ZBTB37: variants seen among roughly 807,000 people sequenced by gnomAD.
ZBTB37 encodes the protein zinc finger and BTB domain-containing protein 37.
In ZBTB37, 15 loss-of-function variants were observed where a neutral mutation model predicts 37.7. The ratio of observed to expected loss-of-function variants is 0.40; its 90% CI spans 0.27 to 0.61. The LOEUF (loss-of-function observed/expected upper bound fraction) is 0.61, where lower values mean the gene tolerates loss of function less well. ZBTB37 is among the 20% of genes least tolerant of loss of function. The pLI is 0.44. For synonymous variants in ZBTB37, 231 were observed against 220.6 expected (o/e 1.05, Z -0.42); for missense variants, 514 against 641.9 (o/e 0.80, Z 2.15).
downstream of ZBTB37, chr1:173,887,147 T>G (rs569939589): frequency 6.6e-6 from 1 of 152,356 alleles, no homozygotes; most frequent in African/African-American, 2.4e-5. Flanking sequence ...TTTGATAACT[T>G]TTATATGAAG....
chr1:173,872,006 C>G (rs1655597171), intron 3 of ZBTB37, among the ~76,000 whole-genome samples: 1 of 152,192 alleles, frequency 6.6e-6, no homozygotes, highest in Non-Finnish European at 1.5e-5. Context: ...TCTTGAGAAA[C>G]AAATGTATCA....
exon 4 of ZBTB37, chr1:173,891,964 C>A (rs1656861318): frequency 6.6e-6 from 1 of 152,120 alleles, no homozygotes; most frequent in Non-Finnish European, 1.5e-5. Flanking sequence ...ACTCTCTTCA[C>A]TAGGTATTTT....
At chr1:173,882,827 A>C (rs1656411420) in intron 4 of ZBTB37, among the ~76,000 whole-genome samples, 1 of 152,208 alleles carries the variant, frequency 6.6e-6, no homozygotes, top group Non-Finnish European at 1.5e-5. Flanking sequence ...ACCATTTATT[A>C]AATAGGAAAT....
exon 4 of ZBTB37, chr1:173,894,744 C>A (rs1342584200): frequency 6.6e-6 from 1 of 152,150 alleles, no homozygotes; most frequent in East Asian, 1.9e-4. Flanking sequence ...AAATACCCTA[C>A]CACTTTATGG....
chr1:173,887,877 G>T (rs1656691383), downstream of ZBTB37: 1 of 152,168 alleles, frequency 6.6e-6, no homozygotes, highest in Non-Finnish European at 1.5e-5. Flanking sequence ...TATGTGAAAA[G>T]GTGGGTAGAA....
chr1:173,885,390 CA>C (rs1656566571), intron 4 of ZBTB37, among the ~76,000 whole-genome samples: 2 of 152,252 alleles, frequency 1.3e-5, no homozygotes, highest in African/African-American at 4.8e-5. Context: ...GTTTAATAAG[CA>C]TCCAGTTTGT....
exon 3 of ZBTB37, chr1:173,870,683 A>T: frequency 6.2e-7 from 1 of 1,614,192 alleles, no homozygotes; most frequent in South Asian, 1.1e-5. Context: ...CCAGAGTCTC[A>T]CAGGGTTACA....
chr1:173,892,736 T>C (rs1656889215), exon 4 of ZBTB37: 1 of 152,146 alleles, frequency 6.6e-6, no homozygotes, highest in Non-Finnish European at 1.5e-5. Context: ...GCTCACATCT[T>C]AACATAGAAG....
At chr1:173,878,010 C>T (rs1656079345) in intron 4 of ZBTB37, among the ~76,000 whole-genome samples, 1 of 152,192 alleles carries the variant, frequency 6.6e-6, no homozygotes, top group Non-Finnish European at 1.5e-5. Context: ...TTTAACCCAA[C>T]TTTTCCCACC....
chr1:173,869,288 A>G (rs985113114), intron 2 of ZBTB37, among the ~76,000 whole-genome samples, 168 bp downstream of exon 2: 4 of 152,242 alleles, frequency 2.6e-5, no homozygotes, highest in Non-Finnish European at 5.9e-5. Flanking sequence ...ATTGGGCTTA[A>G]GTAAATGTCT....
At chr1:173,886,283 A>G in exon 5 of ZBTB37, 1 of 1,146,758 alleles carries the variant, frequency 8.7e-7, no homozygotes, top group Non-Finnish European at 1.2e-6. Flanking sequence ...ACTTACACAA[A>G]AGCACTAAAG....
chr1:173,871,743 C>A (rs556578562), intron 3 of ZBTB37, among the ~76,000 whole-genome samples: 1 of 152,168 alleles, frequency 6.6e-6, no homozygotes, highest in Non-Finnish European at 1.5e-5. Context: ...ACTGCTGCTA[C>A]CACAGGCCTG....
At chr1:173,873,398 A>C in intron 3 of ZBTB37, 69 bp from the exon 4 acceptor site, 3 of 1,471,108 alleles carry the variant, frequency 2.0e-6, no homozygotes, top group Non-Finnish European at 2.7e-6. Context: ...AAGAGGGGCG[A>C]CATCACCATT....
chr1:173,890,372 A>G (rs1462893711), downstream of ZBTB37: 1 of 152,204 alleles, frequency 6.6e-6, no homozygotes, highest in African/African-American at 2.4e-5. Flanking sequence ...AGTGAAAGGC[A>G]TTTAATCAGG....
At chr1:173,884,739 A>T (rs560144872) in intron 4 of ZBTB37, among the ~76,000 whole-genome samples, 1 of 152,362 alleles carries the variant, frequency 6.6e-6, no homozygotes, top group African/African-American at 2.4e-5. Context: ...TGTTGCCATT[A>T]TATATTCTAT....
chr1:173,871,211 C>T (rs1369018149), intron 3 of ZBTB37, 63 bp downstream of exon 3: 24 of 1,433,154 alleles, frequency 1.7e-5, no homozygotes, highest in African/African-American at 2.8e-5. Context: ...ACTAAAGTGT[C>T]CTCTGTAGTA....
At chr1:173,902,095 G>A (rs1053128289) in exon 4 of ZBTB37, 11 of 152,114 alleles carry the variant, frequency 7.2e-5, no homozygotes, top group Non-Finnish European at 1.3e-4. Context: ...ACTTCTCTAT[G>A]GGAAACTCTT....
intron 4 of ZBTB37, among the ~76,000 whole-genome samples, chr1:173,879,968 G>C (rs12060191): frequency 0.2 from 29,703 of 151,978 alleles, 3,917 homozygotes; most frequent in African/African-American, 0.37. Flanking sequence ...CATGGAGAAA[G>C]ACCAGCACAT....
chr1:173,898,240 C>T (rs1013438672), exon 4 of ZBTB37: 1 of 152,026 alleles, frequency 6.6e-6, no homozygotes, highest in Non-Finnish European at 1.5e-5. Context: ...GTAGGCGGAT[C>T]ACCTGATGTC....
Sources: gnomAD v4.1 joint callset for allele counts (sites outside exome capture counted in the v4.1 genomes callset) on GRCh38, gnomAD v4.1.1 for gene constraint, MANE v1.5 for transcripts, NCBI Gene and HGNC (gene_info 2026-07-23, HGNC 2026-07-21) for gene names.